Variants in TRAPPC9 observed in about 807,000 individuals in gnomAD.
The protein encoded by TRAPPC9 is trafficking protein particle complex subunit 9.
Under a neutral mutation model 124.0 loss-of-function variants are expected in TRAPPC9, and 83 were observed. The observed-to-expected ratio is 0.67, with a 90% confidence interval of 0.56 to 0.80. The LOEUF (loss-of-function observed/expected upper bound fraction) is 0.80. Ranked by LOEUF, TRAPPC9 falls within the 30% of genes least tolerant of loss-of-function variation. The probability of loss-of-function intolerance (pLI) is 0.00; values close to 1 mark genes in which losing one functional copy is unlikely to be tolerated. For missense variants in TRAPPC9, 1,302 were observed against 1,508.3 expected, an observed-to-expected ratio of 0.86 and a Z score of 2.27; for synonymous variants, 638 against 617.5, an observed-to-expected ratio of 1.03 and a Z score of -0.49.
At chr8:139,993,074 T>A (rs1377696768) in intron 18 of TRAPPC9, among the ~76,000 whole-genome samples, 1 of 152,174 alleles carries the variant, frequency 6.6e-6, no homozygotes, top group African/African-American at 2.4e-5. Flanking sequence ...AAATTAAGAA[T>A]TTTGGTACAA....
rs1206401594 is a variant in TRAPPC9, at chr8:140,085,870, T to C, written c.2557-61791A>G. Among the ~76,000 whole-genome samples, 3 of 152,160 alleles carry C rather than the reference T, an allele frequency of 2.0e-5. No individual in the cohort carries two copies. In the South Asian group the frequency reaches 6.2e-4, roughly 31 times the overall value. ...TCTGATTCATTGTTAAAAATAAACA[T>C]TTCTTCTTCAAAGTGCTGGCAGAAC... On this transcript the variant is annotated intron_variant, in intron 17 of 22. Coordinates refer to ENST00000438773, the MANE Select transcript of TRAPPC9 (RefSeq NM_001160372.4).
At chr8:139,821,073 T>C (rs561957592) in intron 21 of TRAPPC9, among the ~76,000 whole-genome samples, 1 of 152,334 alleles carries the variant, frequency 6.6e-6, no homozygotes, top group Non-Finnish European at 1.5e-5. Context: ...CCAGGAAATG[T>C]ATCTGCAGTA....
chr8:140,010,930 G>T (rs999039404), intron 18 of TRAPPC9, among the ~76,000 whole-genome samples: 2 of 152,084 alleles, frequency 1.3e-5, no homozygotes, highest in Admixed American at 1.3e-4. Flanking sequence ...CGGACAGAAG[G>T]GCACATGATC....
chr8:140,024,139 CA>C, intron 17 of TRAPPC9, 60 bp from the exon 18 acceptor site: 1 of 1,593,508 alleles, frequency 6.3e-7, no homozygotes. Flanking sequence ...TAGTTTGATC[CA>C]CCAGGAGGCA....
At chr8:140,426,394 G>A (rs966355875) in intron 5 of TRAPPC9, among the ~76,000 whole-genome samples, 4 of 152,172 alleles carry the variant, frequency 2.6e-5, no homozygotes, top group African/African-American at 9.6e-5. Flanking sequence ...CATGCTAGAG[G>A]AAGAAGCCTC....
chr8:139,952,988 C>T (rs1834739168), intron 19 of TRAPPC9, among the ~76,000 whole-genome samples: 1 of 152,202 alleles, frequency 6.6e-6, no homozygotes, highest in African/African-American at 2.4e-5. Context: ...TAGTCTGACT[C>T]TAGACACCAA....
intron 17 of TRAPPC9, among the ~76,000 whole-genome samples, chr8:140,037,270 A>C (rs1176998736): frequency 6.6e-6 from 1 of 152,142 alleles, no homozygotes; most frequent in Non-Finnish European, 1.5e-5. Flanking sequence ...TCAGGAAGAC[A>C]AAACCAGCTA....
At chr8:140,262,246 G>A (rs1272282920) in intron 15 of TRAPPC9, among the ~76,000 whole-genome samples, 10 of 151,566 alleles carry the variant, frequency 6.6e-5, no homozygotes, top group Non-Finnish European at 4.4e-5. Flanking sequence ...TTACAGAGAC[G>A]TGACATACCA....
intron 7 of TRAPPC9, among the ~76,000 whole-genome samples, chr8:140,386,275 T>A (rs887483082): frequency 5.3e-5 from 8 of 152,178 alleles, no homozygotes; most frequent in African/African-American, 1.9e-4. Flanking sequence ...GGATGCCTTC[T>A]CTCACCACTC....
chr8:140,128,511 C>T (rs887115671), intron 17 of TRAPPC9, among the ~76,000 whole-genome samples: 3 of 152,198 alleles, frequency 2.0e-5, no homozygotes, highest in African/African-American at 7.2e-5. Flanking sequence ...AAACTGTGTC[C>T]AATTTTTCCA....
intron 17 of TRAPPC9, among the ~76,000 whole-genome samples, chr8:140,086,827 C>A (rs533062791): frequency 6.6e-6 from 1 of 152,076 alleles, no homozygotes; most frequent in Non-Finnish European, 1.5e-5. Flanking sequence ...CCCAACTACT[C>A]GGGAGGCTGA....
chr8:139,835,459 C>T (rs1826271255), intron 21 of TRAPPC9, among the ~76,000 whole-genome samples: 1 of 152,258 alleles, frequency 6.6e-6, no homozygotes, highest in African/African-American at 2.4e-5. Flanking sequence ...TGATGGCGCG[C>T]ACGTTCGCCC....
chr8:140,160,505 T>A (rs2061728109), intron 17 of TRAPPC9, among the ~76,000 whole-genome samples: 1 of 152,148 alleles, frequency 6.6e-6, no homozygotes, highest in Non-Finnish European at 1.5e-5. Flanking sequence ...GGGACATGGA[T>A]GAAGCTGGAA....
rs6578065 is a variant in TRAPPC9, at chr8:140,063,704, T to C, written c.2557-39625A>G. ...GGCAGGATGCTGAACTAATACTAAC[T>C]AGAAATATTTCTGCTTTTGAGGAAT... On this transcript the variant is annotated intron_variant, in intron 17 of 22. Transcript: ENST00000438773. The surrounding 1 kb of genome is among the most constrained non-coding windows in gnomAD (Gnocchi z 4.3). 0.82 allele frequency among the ~76,000 whole-genome samples: 124,910 copies of C among 152,182 alleles called. 52,240 individuals carry two copies. The highest frequency in any genetic ancestry group is 0.91 in the Non-Finnish European group (62,090 of 68,024).
intron 17 of TRAPPC9, among the ~76,000 whole-genome samples, chr8:140,109,570 G>C (rs1003037787): frequency 2.6e-5 from 4 of 152,150 alleles, no homozygotes; most frequent in Admixed American, 6.5e-5. Flanking sequence ...TTACCCCTCA[G>C]GGTTAAGGAT....
intron 21 of TRAPPC9, among the ~76,000 whole-genome samples, chr8:139,763,169 C>T (rs1820354822): frequency 6.6e-6 from 1 of 152,176 alleles, no homozygotes; most frequent in East Asian, 1.9e-4. Flanking sequence ...TTTTTGTCTT[C>T]CTAATAACTC....
At position 140,101,612 on chromosome 8, in the gene TRAPPC9, G is replaced by A. The variant is rs1335240391; in HGVS notation, c.2557-77533C>T. Among the ~76,000 whole-genome samples the A allele has an allele frequency of 1.0e-4, 13 of 130,252 alleles. No homozygotes were observed. In the Admixed American group the frequency reaches 1.2e-3, roughly 12 times the overall value. The allele number at this position is 130,252 out of a possible 152,430, so 85.5% of individuals were successfully genotyped here. ...GGCTGGAGTGCAATGGTGCAATCTC[G>A]GCTCAGTGCAACCTCCGCCTCCTGG... On this transcript the variant is annotated intron_variant, in intron 17 of 22. Coordinates refer to ENST00000438773, the MANE Select transcript of TRAPPC9 (RefSeq NM_001160372.4).
At chr8:140,333,670 C>T (rs547608345) in intron 9 of TRAPPC9, among the ~76,000 whole-genome samples, 198 of 152,318 alleles carry the variant, frequency 1.3e-3, no homozygotes, top group Admixed American at 2.0e-3. Flanking sequence ...GGATTACAGG[C>T]GTAAGCCACC....
At chr8:140,271,554 A>C (rs2064882579) in intron 15 of TRAPPC9, among the ~76,000 whole-genome samples, 1 of 152,062 alleles carries the variant, frequency 6.6e-6, no homozygotes, top group Admixed American at 6.6e-5. Flanking sequence ...AGATAGAGAC[A>C]GAGAGAGAGA....
Sources: gnomAD v4.1 joint callset for allele counts (sites outside exome capture counted in the v4.1 genomes callset) on GRCh38, gnomAD v4.1.1 for gene constraint, Gnocchi (gnomAD v3.1) non-coding constraint, MANE v1.5 for transcripts, NCBI Gene and HGNC (gene_info 2026-07-23, HGNC 2026-07-21) for gene names.